The following CYP7B1 variants were observed in gnomAD, a reference collection of about 807,000 sequenced individuals.
CYP7B1 encodes cytochrome P450 7B1.
In CYP7B1, 29 loss-of-function variants were observed where a neutral mutation model predicts 42.7. The ratio of observed to expected loss-of-function variants is 0.68; its 90% CI spans 0.51 to 0.93. The LOEUF is 0.93. Among genes scored for constraint, CYP7B1 ranks in the 40% least tolerant of loss-of-function variants. The pLI is 0.00. For synonymous variants in CYP7B1, 235 were observed against 218.2 expected (o/e 1.08, Z -0.68); for missense variants, 655 against 600.5 (o/e 1.09, Z -0.95).
chr8:64,660,932 A>T (rs1806190571), intron 1 of CYP7B1, among the ~76,000 whole-genome samples: 1 of 152,224 alleles, frequency 6.6e-6, no homozygotes, highest in Non-Finnish European at 1.5e-5. Context: ...TGGTTCTGCT[A>T]TGAGAAGAAA....
intron 1 of CYP7B1, among the ~76,000 whole-genome samples, chr8:64,635,707 A>G (rs1175062907): frequency 6.6e-6 from 1 of 152,214 alleles, no homozygotes; most frequent in East Asian, 1.9e-4. Context: ...TCTCAGGTGA[A>G]TTCAGAGCAA....
rs530411631 is a variant in CYP7B1 at position 64,620,273 on chromosome 8, G to A, written c.260-3992C>T. On this transcript the variant is annotated intron_variant, in intron 2 of 5. Transcript: ENST00000310193. ...GTGTTTAGGTTGTTTTACAATAGAA[G>A]TTTTTAATCTCAAGCTGAAAATATC... Among the ~76,000 whole-genome samples the A allele has an allele frequency of 3.3e-5, 5 of 152,300 alleles. No individual in the cohort carries two copies. In the East Asian group the frequency reaches 9.6e-4, roughly 29 times the overall value.
At chr8:64,738,750 G>A (rs1021479909) in intron 1 of CYP7B1, among the ~76,000 whole-genome samples, 2 of 152,164 alleles carry the variant, frequency 1.3e-5, no homozygotes, top group African/African-American at 2.4e-5. Flanking sequence ...AGGGCAAACT[G>A]CCACCCCAAA....
At chr8:64,621,829 G>A (rs1242711543) in intron 2 of CYP7B1, among the ~76,000 whole-genome samples, 2 of 150,776 alleles carry the variant, frequency 1.3e-5, no homozygotes, top group Non-Finnish European at 2.9e-5. Context: ...TCCGCCTCCC[G>A]GGTTCAAGCG....
At chr8:64,639,170 A>T (rs531069976) in intron 1 of CYP7B1, among the ~76,000 whole-genome samples, 9 of 152,124 alleles carry the variant, frequency 5.9e-5, no homozygotes, top group Non-Finnish European at 7.4e-5. Flanking sequence ...AAAAAAAAAA[A>T]TTTACCATTT....
intron 1 of CYP7B1, among the ~76,000 whole-genome samples, chr8:64,773,497 A>G (rs1293203962): frequency 6.6e-6 from 1 of 152,218 alleles, no homozygotes; most frequent in East Asian, 1.9e-4. Flanking sequence ...TACAATTGCA[A>G]AAAATAACAG....
chr8:64,741,454 G>T (rs1299868709), intron 1 of CYP7B1, among the ~76,000 whole-genome samples: 1 of 151,988 alleles, frequency 6.6e-6, no homozygotes, highest in Non-Finnish European at 1.5e-5. Context: ...CGAGTAGCTG[G>T]GATTACAGGC....
At chr8:64,724,933 C>T (rs1472997032) in intron 1 of CYP7B1, among the ~76,000 whole-genome samples, 1 of 152,214 alleles carries the variant, frequency 6.6e-6, no homozygotes, top group South Asian at 2.1e-4. Flanking sequence ...TGTCTGTCAG[C>T]TGGCTGTAAA....
At chr8:64,588,394 A>G (rs183387567), downstream of CYP7B1, among the ~76,000 whole-genome samples, 2 of 152,248 alleles carry the variant, frequency 1.3e-5, no homozygotes, top group Non-Finnish European at 2.9e-5. Context: ...AAGTTCAGAG[A>G]TATTTAAAGG....
At chr8:64,601,623 G>T (rs1805205738) in intron 5 of CYP7B1, among the ~76,000 whole-genome samples, 1 of 152,112 alleles carries the variant, frequency 6.6e-6, no homozygotes, top group South Asian at 2.1e-4. Context: ...TAATATAGAG[G>T]TTGCATGTTG....
intron 1 of CYP7B1, among the ~76,000 whole-genome samples, chr8:64,784,525 A>T (rs1804489175): frequency 6.6e-6 from 1 of 152,170 alleles, no homozygotes; most frequent in South Asian, 2.1e-4. Flanking sequence ...TCTCAGTATA[A>T]CTACCATATA....
At chr8:64,715,239 T>C (rs1807137025) in intron 1 of CYP7B1, among the ~76,000 whole-genome samples, 1 of 152,214 alleles carries the variant, frequency 6.6e-6, no homozygotes, top group African/African-American at 2.4e-5. Context: ...TTATAATCTT[T>C]TAAAATATCT....
intron 1 of CYP7B1, among the ~76,000 whole-genome samples, chr8:64,680,567 CA>C (rs36027601): frequency 3.3e-5 from 5 of 149,650 alleles, no homozygotes; most frequent in African/African-American, 1.2e-4. Context: ...TAAGAATTCA[CA>C]AAAAAAAACC....
chr8:64,738,293 A>G (rs527498917), intron 1 of CYP7B1, among the ~76,000 whole-genome samples: 9 of 152,320 alleles, frequency 5.9e-5, no homozygotes, highest in African/African-American at 2.2e-4. Flanking sequence ...TAGCATTCTT[A>G]AAAATCCCAG....
chr8:64,751,054 T>A (rs1040292246), intron 1 of CYP7B1, among the ~76,000 whole-genome samples: 7 of 152,210 alleles, frequency 4.6e-5, no homozygotes, highest in Admixed American at 4.6e-4. Context: ...CCATTTTCAG[T>A]AGATGTGCCT....
At chr8:64,740,920 C>T (rs534280944) in intron 1 of CYP7B1, among the ~76,000 whole-genome samples, 1 of 152,054 alleles carries the variant, frequency 6.6e-6, no homozygotes, top group African/African-American at 2.4e-5. Context: ...TTTTTTCAAT[C>T]ATTTAAGGAC....
intron 1 of CYP7B1, among the ~76,000 whole-genome samples, chr8:64,782,125 C>T (rs1420643503): frequency 2.0e-5 from 3 of 152,112 alleles, no homozygotes; most frequent in Admixed American, 1.3e-4. Flanking sequence ...GCTTTATAGC[C>T]ATGCTCTTTG....
chr8:64,747,468 GTTAA>G (rs1194373054), intron 1 of CYP7B1, among the ~76,000 whole-genome samples: 1 of 151,176 alleles, frequency 6.6e-6, no homozygotes, highest in East Asian at 1.9e-4. Flanking sequence ...AACATAAAAA[GTTAA>G]TTAACACACA....
chr8:64,785,089 C>T (rs976579444), intron 1 of CYP7B1, among the ~76,000 whole-genome samples: 17 of 152,108 alleles, frequency 1.1e-4, no homozygotes, highest in Admixed American at 7.2e-4. Flanking sequence ...ATATAAATGG[C>T]AAATAAGCAT....
Sources: gnomAD v4.1 joint callset for allele counts (sites outside exome capture counted in the v4.1 genomes callset) on GRCh38, gnomAD v4.1.1 for gene constraint, MANE v1.5 for transcripts, NCBI Gene and HGNC (gene_info 2026-07-23, HGNC 2026-07-21) for gene names.